The following ITGA6 variants were observed in gnomAD, a reference collection of about 807,000 sequenced individuals.
ITGA6 encodes integrin subunit alpha 6.
ITGA6 carries 63 observed loss-of-function variants against 133.6 expected under a neutral mutation model. The ratio of observed to expected loss-of-function variants is 0.47; its 90% confidence interval spans 0.38 to 0.58. ITGA6 has a LOEUF of 0.58. Ranked by LOEUF, ITGA6 falls within the 20% of genes least tolerant of loss-of-function variation. The pLI is 0.00. For synonymous variants in ITGA6, 434 were observed against 482.0 expected (o/e 0.90, Z 1.30); for missense variants, 1,068 against 1,309.4 (o/e 0.82, Z 2.85).
intron 11 of ITGA6, chr2:172,481,098 G>C (rs1264608192): frequency 6.6e-6 from 1 of 152,202 alleles, no homozygotes; most frequent in Non-Finnish European, 1.5e-5. Context: ...TGGGATTCTA[G>C]TGTACTGTAT....
At chr2:172,466,836 TA>T (rs1685696791) in intron 2 of ITGA6, among the ~76,000 whole-genome samples, 1 of 152,190 alleles carries the variant, frequency 6.6e-6, no homozygotes, top group Non-Finnish European at 1.5e-5. Flanking sequence ...TATTGCTACT[TA>T]TGGAGGAGTG....
At chr2:172,473,417 T>TCATC (rs1205669574) in intron 5 of ITGA6, among the ~76,000 whole-genome samples, 1 of 152,228 alleles carries the variant, frequency 6.6e-6, no homozygotes, top group Non-Finnish European at 1.5e-5. Context: ...ATACCATGTA[T>TCATC]CATCAGTCAT....
rs1683905275 is a variant in ITGA6 at position 172,427,715 on chromosome 2, C to T, written c.-74C>T. 7.1e-7 allele frequency: 1 copy of T among 1,411,612 alleles called. No individual in the cohort carries two copies. The highest frequency in any genetic ancestry group is 9.2e-7 in the Non-Finnish European group (1 of 1,083,926). 87.4% of individuals were successfully genotyped at this position (1,411,612 alleles called of 1,614,324 possible). ...GAAGGTGGCTGCGGTAGCAGCAGCG[C>T]GGCAGCCTCGGACCCAGCCCGGAGC... On this transcript the variant is annotated 5_prime_UTR_variant, in exon 1 of 26. Transcript: ENST00000684293.
At chr2:172,455,095 T>C (rs1237243272) in intron 1 of ITGA6, among the ~76,000 whole-genome samples, 4 of 152,208 alleles carry the variant, frequency 2.6e-5, no homozygotes, top group African/African-American at 9.7e-5. Flanking sequence ...CCTGTGGCCC[T>C]AAGGAACTGT....
intron 1 of ITGA6, among the ~76,000 whole-genome samples, chr2:172,452,150 T>C (rs1685032283): frequency 6.6e-6 from 1 of 152,204 alleles, no homozygotes; most frequent in African/African-American, 2.4e-5. Context: ...CCGGCTTCCC[T>C]CAACCTTCCA....
Position 172,467,385 on chromosome 2 carries a change from T to C in ITGA6, c.308-96T>C, listed in dbSNP as rs1241048643. ...ATTTATTGAGTAGCTAGACTCAGAG[T>C]CGAGGCCATTTGGAAACAGTTGCTT... On this transcript the variant is annotated intron_variant, in intron 2 of 25. Coordinates refer to ENST00000684293, the MANE Select transcript of ITGA6 (RefSeq NM_000210.4). The C allele has an allele frequency of 1.7e-5, 15 of 869,700 alleles. No homozygotes were observed. In the Admixed American group the frequency reaches 2.9e-4, roughly 17 times the overall value. The allele number at this position is 869,700 out of a possible 1,614,324, so 53.9% of individuals were successfully genotyped here.
intron 1 of ITGA6, among the ~76,000 whole-genome samples, chr2:172,462,352 T>A (rs986773217): frequency 3.3e-5 from 5 of 152,172 alleles, no homozygotes; most frequent in African/African-American, 1.2e-4. Context: ...GCCAGGACCA[T>A]GTGCAGGCTG....
chr2:172,501,935 G>A, intron 25 of ITGA6, 34 bp downstream of exon 25: 1 of 1,589,998 alleles, frequency 6.3e-7, no homozygotes, highest in South Asian at 1.1e-5. Flanking sequence ...TGCTAGCTGT[G>A]GGACCCGCTA....
rs769115583 is a variant in ITGA6 at position 172,498,094 on chromosome 2, A to G, written c.3108A>G (p.Leu1036=). The G allele has an allele frequency of 6.8e-6, 11 of 1,613,642 alleles. No homozygotes were observed. In the Middle Eastern group the frequency reaches 5.0e-4, roughly 73 times the overall value. The part of the protein sequence containing the change: ...ILMLALLVFI[L]WKCGFFKRNK... Reference sequence around the variant, plus strand: ...TGCTTGCTTTATTAGTGTTTATACTATGGAAGGTAAGTCATATCTGGCATT... The same window carrying G: ...TGCTTGCTTTATTAGTGTTTATACTGTGGAAGGTAAGTCATATCTGGCATT... Residue 1036 remains leucine (L), a synonymous_variant, in exon 24 of 26, where the codon CTA becomes CTG. Transcript: ENST00000684293.
chr2:172,461,368 C>G (rs916627217), intron 1 of ITGA6, among the ~76,000 whole-genome samples: 1 of 152,202 alleles, frequency 6.6e-6, no homozygotes, highest in Non-Finnish European at 1.5e-5. Flanking sequence ...AGGTCATTGT[C>G]CACTGGCCGG....
chr2:172,428,090 C>A, intron 1 of ITGA6, 120 bp downstream of exon 1: 1 of 980,584 alleles, frequency 1.0e-6, no homozygotes, highest in Non-Finnish European at 1.3e-6. Flanking sequence ...CGCGCCCGGG[C>A]CGGCCGAGGC....
In ITGA6 at chr2:172,504,480, A is replaced by G. The variant is rs544517955; in HGVS notation, c.*412A>G. The G allele has an allele frequency of 7.7e-5, 30 of 389,694 alleles. 1 individual carries two copies. The South Asian group carries it at 1.2e-3, about 16-fold the overall frequency. 24.1% of individuals were successfully genotyped at this position (389,694 alleles called of 1,614,324 possible). On this transcript the variant is annotated 3_prime_UTR_variant, in exon 26 of 26. Transcript: ENST00000684293. ...AATGGATTTTTCTTTAACTGCCGTA[A>G]TTTAACTTTCTGGGTTGCCTTTATT...
intron 1 of ITGA6, 32 bp downstream of exon 1, chr2:172,428,002 G>C: frequency 6.3e-7 from 1 of 1,581,180 alleles, no homozygotes; most frequent in South Asian, 1.1e-5. Context: ...ACCCCCACTG[G>C]GGCGCCGGCC....
At chr2:172,435,027 A>AGT (rs72087668) in intron 1 of ITGA6, among the ~76,000 whole-genome samples, 10,298 of 144,048 alleles carry the variant, frequency 0.071, 386 homozygotes, top group Middle Eastern at 0.091. Flanking sequence ...GGTGGTTTTA[A>AGT]GTGTGTGTGT....
At chr2:172,470,913 C>T in intron 4 of ITGA6, 61 bp from the exon 5 acceptor site, 2 of 1,564,528 alleles carry the variant, frequency 1.3e-6, no homozygotes, top group African/African-American at 1.4e-5. Context: ...TATTAGGAAC[C>T]ATTTATTTTC....
At chr2:172,477,061 ACC>A (rs1382304674) in intron 9 of ITGA6, among the ~76,000 whole-genome samples, 3 of 152,184 alleles carry the variant, frequency 2.0e-5, no homozygotes, top group African/African-American at 7.2e-5. Flanking sequence ...AGCTTATTTA[ACC>A]AACTGCCTTG....
intron 10 of ITGA6, 114 bp from the exon 11 acceptor site, chr2:172,479,876 A>G (rs1297052980): frequency 9.1e-7 from 1 of 1,095,958 alleles, no homozygotes; most frequent in Non-Finnish European, 1.4e-6. Flanking sequence ...AAGTGTTTTT[A>G]TAACATGTTG....
intron 1 of ITGA6, among the ~76,000 whole-genome samples, chr2:172,463,044 C>T (rs1198439315): frequency 6.6e-6 from 1 of 152,208 alleles, no homozygotes; most frequent in African/African-American, 2.4e-5. Context: ...TCTGTACCAT[C>T]CTCTCATTGC....
chr2:172,438,967 C>T (rs1443967842), intron 1 of ITGA6, among the ~76,000 whole-genome samples: 3 of 151,922 alleles, frequency 2.0e-5, no homozygotes, highest in African/African-American at 7.2e-5. Flanking sequence ...ATCTGCAGAC[C>T]TTTGTGCTAT....
Sources: gnomAD v4.1 joint callset for allele counts (sites outside exome capture counted in the v4.1 genomes callset) on GRCh38, gnomAD v4.1.1 for gene constraint, MANE v1.5 for transcripts, NCBI Gene and HGNC (gene_info 2026-07-23, HGNC 2026-07-21) for gene names.